EPHA3: variants seen among roughly 807,000 people sequenced by gnomAD.
EPHA3 encodes ephrin type-A receptor 3.
EPHA3 carries 42 observed loss-of-function variants against 107.1 expected under a neutral mutation model. That is an observed-to-expected ratio of 0.39 (90% confidence interval 0.31 to 0.51). The LOEUF (loss-of-function observed/expected upper bound fraction) is 0.51, where lower values mean the gene tolerates loss of function less well. Ranked by LOEUF, EPHA3 falls within the 20% of genes least tolerant of loss-of-function variation. The probability of loss-of-function intolerance (pLI) is 0.78; values close to 1 mark genes in which losing one functional copy is unlikely to be tolerated. For missense variants in EPHA3, 1,183 were observed against 1,211.2 expected (o/e 0.98, Z 0.35); for synonymous variants, 461 against 424.8 (o/e 1.09, Z -1.05).
intron 3 of EPHA3, among the ~76,000 whole-genome samples, chr3:89,226,925 A>G (rs1430192438): frequency 6.6e-6 from 1 of 152,056 alleles, no homozygotes; most frequent in East Asian, 1.9e-4. Context: ...TTGAGTATAA[A>G]GTGGAGGTGC....
chr3:89,395,978 T>G lies in EPHA3; in HGVS notation c.1431+17T>G, dbSNP rs1274308641. The G allele has an allele frequency of 6.2e-7, 1 of 1,613,274 alleles. No individual in the cohort carries two copies. The highest frequency in any genetic ancestry group is 1.7e-5 in the Admixed American group (1 of 59,952). ...TATGAAAAGGTGGGGAAACAATGTT[T>G]AAGGGTTGGGCTGTGTAGGCAAGAA... On this transcript the variant is annotated intron_variant, in intron 6 of 16. Transcript: ENST00000336596.
At chr3:89,478,324 C>T (rs1028934996) in intron 16 of EPHA3, among the ~76,000 whole-genome samples, 8 of 152,254 alleles carry the variant, frequency 5.3e-5, no homozygotes, top group African/African-American at 1.2e-4. Flanking sequence ...GCAGCCTCCC[C>T]GAAAACTTAA....
chr3:89,392,260 G>A (rs966461375), intron 5 of EPHA3, among the ~76,000 whole-genome samples: 6 of 151,918 alleles, frequency 3.9e-5, no homozygotes, highest in African/African-American at 1.2e-4. Context: ...GCCAACATGC[G>A]AAACCCTGTC....
At chr3:89,456,201 A>G (rs997833213) in intron 15 of EPHA3, among the ~76,000 whole-genome samples, 8 of 152,162 alleles carry the variant, frequency 5.3e-5, no homozygotes, top group African/African-American at 1.9e-4. Context: ...CTGCATGTGT[A>G]CCTTTCTGTC....
intron 12 of EPHA3, among the ~76,000 whole-genome samples, chr3:89,429,603 A>G (rs73137395): frequency 6.6e-6 from 1 of 151,988 alleles, no homozygotes; most frequent in Non-Finnish European, 1.5e-5. Flanking sequence ...CTATAATGCT[A>G]AAGTATATAT....
intron 15 of EPHA3, among the ~76,000 whole-genome samples, chr3:89,451,429 T>C (rs1490716645): frequency 6.6e-6 from 1 of 152,188 alleles, no homozygotes; most frequent in Non-Finnish European, 1.5e-5. Flanking sequence ...TGATTCTCAT[T>C]GTAAGCATAA....
chr3:89,220,771 C>T (rs1164273300), intron 3 of EPHA3, among the ~76,000 whole-genome samples: 1 of 152,150 alleles, frequency 6.6e-6, no homozygotes, highest in Non-Finnish European at 1.5e-5. Flanking sequence ...TATTCCAGGA[C>T]ATATTGTGTT....
At chr3:89,426,740 G>A (rs1217756281) in intron 11 of EPHA3, among the ~76,000 whole-genome samples, 5 of 151,880 alleles carry the variant, frequency 3.3e-5, no homozygotes, top group African/African-American at 1.2e-4. Flanking sequence ...TTGGTGGTGT[G>A]AGGCAAAATA....
chr3:89,116,578 G>A (rs1707258654), intron 1 of EPHA3, among the ~76,000 whole-genome samples: 1 of 151,812 alleles, frequency 6.6e-6, no homozygotes, highest in South Asian at 2.1e-4. Flanking sequence ...TTTTCATGTG[G>A]GTATTTTAGC....
At position 89,178,366 on chromosome 3, in the gene EPHA3, G is replaced by A. The variant is rs561103793; in HGVS notation, c.154-31494G>A. On this transcript the variant is annotated intron_variant, in intron 2 of 16. Transcript: ENST00000336596. ...CCATTTGTGCAAAGATGGAACTAAG[G>A]TATAAAGAAATGCTGTTAGCATACG... 1.2e-4 allele frequency among the ~76,000 whole-genome samples: 19 copies of A among 152,100 alleles called. No homozygotes were observed. In the South Asian group the frequency reaches 3.9e-3, roughly 32 times the overall value.
intron 1 of EPHA3, 75 bp downstream of exon 1, chr3:89,107,911 C>T: frequency 1.4e-6 from 2 of 1,442,514 alleles, no homozygotes; most frequent in South Asian, 1.2e-5. Flanking sequence ...CTCACCGAAG[C>T]CTTGCACGTC....
chr3:89,433,143 G>GTA (rs1709602082), intron 13 of EPHA3, among the ~76,000 whole-genome samples: 1 of 151,890 alleles, frequency 6.6e-6, no homozygotes. Flanking sequence ...AATTTTTGGC[G>GTA]TATATATTGC....
At chr3:89,160,411 G>T (rs547316283) in intron 2 of EPHA3, among the ~76,000 whole-genome samples, 1 of 151,954 alleles carries the variant, frequency 6.6e-6, no homozygotes. Context: ...AATAAAATGA[G>T]ACTTCATGTG....
chr3:89,383,567 CT>C, intron 5 of EPHA3, among the ~76,000 whole-genome samples: 1 of 151,860 alleles, frequency 6.6e-6, no homozygotes, highest in Admixed American at 6.6e-5. Context: ...GATTTATGAC[CT>C]CAGCAGTGCT....
chr3:89,351,042 A>T (rs1408662604), intron 5 of EPHA3, among the ~76,000 whole-genome samples: 1 of 151,388 alleles, frequency 6.6e-6, no homozygotes, highest in African/African-American at 2.4e-5. Flanking sequence ...GGGACATTTA[A>T]GTCTGCAGAG....
At chr3:89,355,718 G>A (rs1165246685) in intron 5 of EPHA3, among the ~76,000 whole-genome samples, 1 of 150,692 alleles carries the variant, frequency 6.6e-6, no homozygotes, top group Non-Finnish European at 1.5e-5. Flanking sequence ...CTGGGAAAGG[G>A]CTTGAATAAG....
chr3:89,385,352 C>G (rs141642262), intron 5 of EPHA3, among the ~76,000 whole-genome samples: 2,433 of 152,232 alleles, frequency 0.016, 68 homozygotes, highest in African/African-American at 0.055. Context: ...TGTTATGGGA[C>G]GGACCCAGTG....
At chr3:89,230,569 C>A (rs1273001021) in intron 3 of EPHA3, among the ~76,000 whole-genome samples, 5 of 152,038 alleles carry the variant, frequency 3.3e-5, no homozygotes, top group Admixed American at 2.6e-4. Flanking sequence ...TATCCAAATT[C>A]TTCTTTCTAT....
intron 2 of EPHA3, among the ~76,000 whole-genome samples, chr3:89,129,458 C>CT (rs1704156443): frequency 6.6e-6 from 1 of 151,660 alleles, no homozygotes; most frequent in Non-Finnish European, 1.5e-5. Context: ...AACTCCGAAG[C>CT]TAAAAAAAAG....
Sources: allele counts gnomAD v4.1 joint callset (sites outside exome capture counted in the v4.1 genomes callset), GRCh38; gene constraint gnomAD v4.1.1; transcripts MANE v1.5; gene names NCBI Gene and HGNC (gene_info 2026-07-23, HGNC 2026-07-21).